Variants in SLC7A1 observed in about 807,000 individuals in gnomAD.
SLC7A1 encodes high affinity cationic amino acid transporter 1.
SLC7A1 carries 10 observed loss-of-function variants against 53.9 expected under a neutral mutation model. The observed-to-expected ratio is 0.19, with a 90% CI of 0.11 to 0.31. The LOEUF (loss-of-function observed/expected upper bound fraction) is 0.31, where lower values mean the gene tolerates loss of function less well. Ranked by LOEUF, SLC7A1 falls within the 10% of genes least tolerant of loss-of-function variation. The pLI, the probability that SLC7A1 is intolerant of heterozygous loss-of-function variation, is 1.00. For missense variants in SLC7A1, 525 were observed against 827.2 expected (o/e 0.63, Z 4.48); for synonymous variants, 342 against 338.7 (o/e 1.01, Z -0.11).
At chr13:29,520,587 G>A (rs2139074793) in intron 8 of SLC7A1, among the ~76,000 whole-genome samples, 1 of 152,258 alleles carries the variant, frequency 6.6e-6, no homozygotes, top group South Asian at 2.1e-4. Context: ...ATTCACATGG[G>A]TGTGTATGTC....
intron 1 of SLC7A1, among the ~76,000 whole-genome samples, chr13:29,580,944 C>G (rs575072164): frequency 1.6e-4 from 24 of 151,938 alleles, no homozygotes; most frequent in Admixed American, 7.2e-4. Flanking sequence ...CTGAACCCCA[C>G]ATTCCCACCA....
intron 2 of SLC7A1, among the ~76,000 whole-genome samples, chr13:29,550,936 C>T (rs2139131606): frequency 6.6e-6 from 1 of 152,338 alleles, no homozygotes; most frequent in East Asian, 1.9e-4. Context: ...ACCAGAGCAG[C>T]AACCTTTCTT....
chr13:29,569,801 T>C (rs1871121444), intron 1 of SLC7A1, among the ~76,000 whole-genome samples: 1 of 152,156 alleles, frequency 6.6e-6, no homozygotes. Context: ...CCTCATTTCA[T>C]AAATGAGAAC....
At chr13:29,576,292 T>TAAAAAAAA (rs146432104) in intron 1 of SLC7A1, among the ~76,000 whole-genome samples, 14 of 107,182 alleles carry the variant, frequency 1.3e-4, no homozygotes, top group African/African-American at 2.3e-4. Flanking sequence ...ATCCTGTTTT[T>TAAAAAAAA]TAAAAAAAAA....
rs1418373132 is a variant in SLC7A1, at chr13:29,565,478, G to A, written c.-114-11618C>T. Among the ~76,000 whole-genome samples, 3 of 152,182 alleles carry A rather than the reference G, an allele frequency of 2.0e-5. No homozygotes were observed. The South Asian group carries it at 6.2e-4, about 32-fold the overall frequency. On this transcript the variant is annotated intron_variant, in intron 1 of 12. Transcript: ENST00000380752. ...TTGGCCTCCCAAGAGGTGGGGAAGA[G>A]GGGGCCTGCTGTTGATGGTCTAGGC...
intron 2 of SLC7A1, among the ~76,000 whole-genome samples, chr13:29,544,886 CTTCCCA>C (rs1566263612): frequency 6.8e-6 from 1 of 146,668 alleles, no homozygotes; most frequent in East Asian, 2.0e-4. Flanking sequence ...GGGGCAAGCT[CTTCCCA>C]CTGACTCAAC....
intron 1 of SLC7A1, among the ~76,000 whole-genome samples, chr13:29,561,821 C>T (rs1022546861): frequency 1.3e-5 from 2 of 152,310 alleles, no homozygotes; most frequent in African/African-American, 2.4e-5. Flanking sequence ...ATGGCACCAC[C>T]GGACTGCATC....
At chr13:29,573,639 T>C (rs1158672549) in intron 1 of SLC7A1, among the ~76,000 whole-genome samples, 1 of 152,192 alleles carries the variant, frequency 6.6e-6, no homozygotes, top group Non-Finnish European at 1.5e-5. Context: ...CCCAGTTAAA[T>C]CTAAATTTCA....
chr13:29,530,455 T>C, intron 5 of SLC7A1, 83 bp downstream of exon 5: 1 of 1,232,942 alleles, frequency 8.1e-7, no homozygotes, highest in Non-Finnish European at 1.2e-6. Flanking sequence ...TAAAAGCACA[T>C]GCCATCCTAG....
intron 12 of SLC7A1, among the ~76,000 whole-genome samples, chr13:29,515,819 C>G (rs529903414): frequency 2.4e-4 from 37 of 152,368 alleles, no homozygotes; most frequent in African/African-American, 8.4e-4. Flanking sequence ...TGGTGCTGGG[C>G]AGGCCAGGGG....
intron 2 of SLC7A1, among the ~76,000 whole-genome samples, chr13:29,550,696 G>A (rs1870138975): frequency 1.3e-5 from 2 of 152,230 alleles, no homozygotes; most frequent in Admixed American, 1.3e-4. Context: ...GCCTCCAGAT[G>A]AAAACCAAGC....
At chr13:29,525,144 G>A (rs552115518) in intron 5 of SLC7A1, among the ~76,000 whole-genome samples, 12 of 152,320 alleles carry the variant, frequency 7.9e-5, no homozygotes, top group Admixed American at 2.0e-4. Flanking sequence ...CCCTGGTCAG[G>A]AGGCACATAG....
intron 8 of SLC7A1, among the ~76,000 whole-genome samples, chr13:29,520,399 C>A (rs533338291): frequency 1.3e-5 from 2 of 152,082 alleles, no homozygotes; most frequent in African/African-American, 4.8e-5. Context: ...CCCAGGCAGG[C>A]GGGCAGGAGA....
intron 2 of SLC7A1, among the ~76,000 whole-genome samples, chr13:29,536,601 A>G (rs1169102194): frequency 6.6e-6 from 1 of 152,238 alleles, no homozygotes; most frequent in East Asian, 1.9e-4. Context: ...GTATGCTGTA[A>G]TAGAAAGCAA....
intron 3 of SLC7A1, among the ~76,000 whole-genome samples, chr13:29,533,903 A>G (rs923337272): frequency 5.3e-5 from 8 of 152,182 alleles, no homozygotes; most frequent in Admixed American, 5.2e-4. Context: ...CCATGGTCCT[A>G]ATTATCCACA....
intron 2 of SLC7A1, among the ~76,000 whole-genome samples, chr13:29,536,812 G>A (rs1165087842): frequency 6.6e-6 from 1 of 152,218 alleles, no homozygotes; most frequent in African/African-American, 2.4e-5. Flanking sequence ...AGGGCTTTTC[G>A]TCACTGTTAC....
intron 1 of SLC7A1, among the ~76,000 whole-genome samples, chr13:29,589,063 T>C (rs1872000974): frequency 6.6e-6 from 1 of 152,116 alleles, no homozygotes; most frequent in Admixed American, 6.5e-5. Flanking sequence ...CCAAGTCACT[T>C]TGGGGAAGAC....
intron 7 of SLC7A1, 96 bp from the exon 8 acceptor site, chr13:29,522,552 A>C (rs1868677591): frequency 7.2e-7 from 1 of 1,384,694 alleles, no homozygotes; most frequent in African/African-American, 1.4e-5. Flanking sequence ...GAGGAGAGGG[A>C]GTCTGAGCTC....
At chr13:29,550,914 G>C (rs1870150983) in intron 2 of SLC7A1, among the ~76,000 whole-genome samples, 1 of 152,194 alleles carries the variant, frequency 6.6e-6, no homozygotes, top group Non-Finnish European at 1.5e-5. Flanking sequence ...CTGAATCCTT[G>C]GGGGGCTAAG....
Sources: gnomAD v4.1 joint callset for allele counts (sites outside exome capture counted in the v4.1 genomes callset) on GRCh38, gnomAD v4.1.1 for gene constraint, MANE v1.5 for transcripts, NCBI Gene and HGNC (gene_info 2026-07-23, HGNC 2026-07-21) for gene names.